Variants in HEPACAM2 observed in about 807,000 individuals in gnomAD.
HEPACAM2 encodes the protein mitotic kinetics regulator.
Under a neutral mutation model 49.6 loss-of-function variants are expected in HEPACAM2, and 49 were observed. That is an observed-to-expected ratio of 0.99 (90% confidence interval 0.78 to 1.25). The LOEUF is 1.25. HEPACAM2 is among the 50% of genes most tolerant of loss of function. HEPACAM2 has a pLI of 0.00. For synonymous variants in HEPACAM2, 197 were observed against 202.9 expected (o/e 0.97, Z 0.25); for missense variants, 525 against 557.2 (o/e 0.94, Z 0.58).
chr7:93,232,209 T>A, the HEPACAM2 span: 1 of 456,746 alleles, frequency 2.2e-6, no homozygotes, highest in South Asian at 2.3e-5. Context: ...GCAGTAATAT[T>A]TACCGGCTTA....
intron 2 of HEPACAM2, among the ~76,000 whole-genome samples, chr7:93,217,086 T>A (rs901732463): frequency 3.3e-5 from 5 of 152,324 alleles, no homozygotes; most frequent in Non-Finnish European, 7.4e-5. Context: ...AATTTAATCC[T>A]TCATCTTCCC....
chr7:93,219,874 TC>T (rs1425390246), intron 1 of HEPACAM2, among the ~76,000 whole-genome samples: 2 of 152,240 alleles, frequency 1.3e-5, no homozygotes, highest in African/African-American at 4.8e-5. Flanking sequence ...CCCAACAGTT[TC>T]CCTTAAAGCT....
At chr7:93,216,422 A>G (rs1353556749) in intron 2 of HEPACAM2, among the ~76,000 whole-genome samples, 1 of 152,220 alleles carries the variant, frequency 6.6e-6, no homozygotes, top group Non-Finnish European at 1.5e-5. Flanking sequence ...AAGTCAAGTC[A>G]TAGGAAAATA....
At chr7:93,195,948 G>A (rs1484961313) in intron 7 of HEPACAM2, 47 bp from the exon 8 acceptor site, 1 of 1,375,516 alleles carries the variant, frequency 7.3e-7, no homozygotes, top group Non-Finnish European at 1.0e-6. Context: ...GCCTTGATTT[G>A]CTGTTGTTTT....
At chr7:93,208,372 A>G (rs1205066339) in intron 4 of HEPACAM2, among the ~76,000 whole-genome samples, 1 of 152,046 alleles carries the variant, frequency 6.6e-6, no homozygotes, top group Non-Finnish European at 1.5e-5. Context: ...TTCACAATTG[A>G]ATTGAATTTC....
intron 4 of HEPACAM2, among the ~76,000 whole-genome samples, chr7:93,202,965 A>G (rs535893075): frequency 6.6e-6 from 1 of 152,084 alleles, no homozygotes; most frequent in Non-Finnish European, 1.5e-5. Flanking sequence ...ATTTGCACAC[A>G]TTCTCTCCTA....
intron 4 of HEPACAM2, among the ~76,000 whole-genome samples, chr7:93,207,649 T>C (rs1794062683): frequency 6.6e-6 from 1 of 151,944 alleles, no homozygotes; most frequent in African/African-American, 2.4e-5. Context: ...AGATGACATT[T>C]AGCTTTCTGT....
the HEPACAM2 span, among the ~76,000 whole-genome samples, chr7:93,231,814 A>AT: frequency 1.3e-5 from 2 of 152,132 alleles, no homozygotes; most frequent in Non-Finnish European, 2.9e-5. Context: ...TTTGCAGGGG[A>AT]TACCAAGACT....
intron 2 of HEPACAM2, among the ~76,000 whole-genome samples, chr7:93,216,641 C>T (rs1418599734): frequency 6.6e-6 from 1 of 152,172 alleles, no homozygotes; most frequent in African/African-American, 2.4e-5. Context: ...AAAACAGTGG[C>T]TTGCCCAGAG....
At chr7:93,203,007 C>T (rs1219903934) in intron 4 of HEPACAM2, among the ~76,000 whole-genome samples, 1 of 152,162 alleles carries the variant, frequency 6.6e-6, no homozygotes, top group Non-Finnish European at 1.5e-5. Context: ...TCCTCCATTA[C>T]TTCCTTATTT....
At chr7:93,202,657 A>G (rs1371521816) in intron 4 of HEPACAM2, among the ~76,000 whole-genome samples, 1 of 152,062 alleles carries the variant, frequency 6.6e-6, no homozygotes, top group Non-Finnish European at 1.5e-5. Flanking sequence ...AGTTTTTGCA[A>G]TGTGCTTTAC....
chr7:93,215,448 T>C lies in HEPACAM2; in HGVS notation c.668A>G (p.Asn223Ser). 6.2e-7 allele frequency: 1 copy of C among 1,613,784 alleles called. No individual in the cohort carries two copies. Among genetic ancestry groups the C allele is most frequent in the Non-Finnish European group, 8.5e-7 (1 of 1,179,802 alleles). Residue 223 changes from asparagine (N) to serine (S), a missense_variant, in exon 3 of 10, where the codon AAC becomes AGC. By Grantham distance (46) the Asn-to-Ser change is conservative. Transcript: ENST00000394468. Reference sequence around the variant, plus strand: ...ATCACTTTCCATTTCACTGACAGGGTTCCTCACCAGGCAGCTGTAATTCCC... The same window carrying C: ...ATCACTTTCCATTTCACTGACAGGGCTCCTCACCAGGCAGCTGTAATTCCC... ...DIGNYSCLVRNPVSEMESDII... is the reference protein window; with the variant it reads ...DIGNYSCLVRSPVSEMESDII...
At chr7:93,206,184 G>A (rs2116674018) in intron 4 of HEPACAM2, among the ~76,000 whole-genome samples, 1 of 152,216 alleles carries the variant, frequency 6.6e-6, no homozygotes, top group Admixed American at 6.6e-5. Context: ...GAAACAAGCT[G>A]AAGATGATAC....
chr7:93,226,379 A>G lies in HEPACAM2; in HGVS notation c.68T>C (p.Leu23Pro), dbSNP rs1202041752. The G allele has an allele frequency of 5.6e-6, 9 of 1,611,470 alleles. No individual in the cohort carries two copies. The highest frequency in any genetic ancestry group is 7.6e-6 in the Non-Finnish European group (9 of 1,178,132). The change falls in exon 1 of 10, where the codon CTC becomes CCC. Residue 23 changes from leucine to proline, a missense_variant. Coordinates refer to ENST00000394468, the MANE Select transcript of HEPACAM2 (RefSeq NM_001039372.4). ...ACACAGGGCCTTACCGAAGAGAAGG[A>G]GGTATATTTTGCACTGAAAGACCCC... is the stretch of plus-strand genomic sequence containing the variant. The part of the protein sequence containing the change: ...TLGVFQCKIY[L>P]LLFGACSGLK...
intron 1 of HEPACAM2, among the ~76,000 whole-genome samples, chr7:93,221,724 G>A (rs1004032002): frequency 6.6e-6 from 1 of 152,206 alleles, no homozygotes; most frequent in African/African-American, 2.4e-5. Context: ...CATATGGACT[G>A]AAAAGCAGAT....
intron 4 of HEPACAM2, 27 bp from the exon 5 acceptor site, chr7:93,197,637 A>G: frequency 6.5e-7 from 1 of 1,530,592 alleles, no homozygotes; most frequent in African/African-American, 1.4e-5. Flanking sequence ...ACATATTTTT[A>G]GCAATAAATT....
intron 8 of HEPACAM2, among the ~76,000 whole-genome samples, chr7:93,195,254 G>T (rs922826231): frequency 1.3e-5 from 2 of 152,044 alleles, no homozygotes; most frequent in African/African-American, 2.4e-5. Context: ...TTGAGACAGG[G>T]TCTTACTCTG....
chr7:93,215,821 A>G (rs1271715660), intron 2 of HEPACAM2, 136 bp from the exon 3 acceptor site: 14 of 800,648 alleles, frequency 1.7e-5, no homozygotes, highest in Non-Finnish European at 2.7e-5. Flanking sequence ...AGCTCAGGTA[A>G]TAACTAAAGA....
intron 2 of HEPACAM2, among the ~76,000 whole-genome samples, chr7:93,216,331 C>A (rs1228641303): frequency 6.6e-6 from 1 of 152,032 alleles, no homozygotes; most frequent in Non-Finnish European, 1.5e-5. Context: ...CTGACTCAGT[C>A]TGAAAATAGG....
Sources: allele counts gnomAD v4.1 joint callset (sites outside exome capture counted in the v4.1 genomes callset), GRCh38; gene constraint gnomAD v4.1.1; transcripts MANE v1.5; gene names NCBI Gene and HGNC (gene_info 2026-07-23, HGNC 2026-07-21).